EXOG: variants seen among roughly 807,000 people sequenced by gnomAD.
EXOG encodes the protein nuclease EXOG, mitochondrial.
A neutral mutation model predicts 25.8 loss-of-function variants in EXOG; 27 were observed. That is an observed-to-expected ratio of 1.05 (90% CI 0.77 to 1.45). The LOEUF (loss-of-function observed/expected upper bound fraction) is 1.45, where lower values mean the gene tolerates loss of function less well. EXOG is among the 40% of genes most tolerant of loss of function. EXOG has a pLI of 0.00. For synonymous variants in EXOG, 133 were observed against 167.0 expected (o/e 0.80, Z 1.57); for missense variants, 458 against 450.5 (o/e 1.02, Z -0.15).
chr3:38,520,308 A>T (rs528398101), intron 5 of EXOG, among the ~76,000 whole-genome samples: 1 of 152,294 alleles, frequency 6.6e-6, no homozygotes, highest in South Asian at 2.1e-4. Context: ...GTGCCAGCTT[A>T]TGTATTGTAT....
At position 38,525,946 on chromosome 3, in the gene EXOG, AAAAAG is replaced by A. The variant is rs776128041; in HGVS notation, c.*1594_*1598del. 7 of 984,046 alleles carry A rather than the reference AAAAAG, an allele frequency of 7.1e-6. No homozygotes were observed. The highest frequency in any genetic ancestry group is 3.5e-5 in the African/African-American group (2 of 57,182). 61.0% of individuals were successfully genotyped at this position (984,046 alleles called of 1,614,324 possible). On this transcript the variant is annotated 3_prime_UTR_variant, in exon 6 of 6. Transcript: ENST00000287675. ...GCCACAGAGGGAGACCCTGTCTCAA[AAAAAG>A]AAAAGAAAAAAGAAAAAGGTCTGCC...
At chr3:38,522,662 G>A (rs1046047024) in intron 5 of EXOG, among the ~76,000 whole-genome samples, 2 of 151,910 alleles carry the variant, frequency 1.3e-5, no homozygotes, top group Admixed American at 1.3e-4. Context: ...GCGCCACCAC[G>A]CCCAGCTAAT....
chr3:38,501,245 C>T (rs911273556), intron 2 of EXOG, 110 bp from the exon 3 acceptor site: 38 of 819,570 alleles, frequency 4.6e-5, no homozygotes, highest in Admixed American at 1.7e-4. Context: ...ATCCCTAATA[C>T]TAGCTGCTTG....
intron 5 of EXOG, among the ~76,000 whole-genome samples, chr3:38,510,049 G>A (rs1485982779): frequency 6.6e-6 from 1 of 152,146 alleles, no homozygotes; most frequent in African/African-American, 2.4e-5. Flanking sequence ...TAACTTTACA[G>A]TGAAGAAACA....
At chr3:38,499,054 G>C (rs1438361506) in intron 2 of EXOG, 4 of 444,248 alleles carry the variant, frequency 9.0e-6, no homozygotes, top group Non-Finnish European at 1.4e-5. Flanking sequence ...TTATCAATGA[G>C]GGTTAACATG....
At position 38,497,630 on chromosome 3, in the gene EXOG, A is replaced by C; in HGVS notation, c.165A>C (p.Gly55=). The part of the protein sequence containing the change: ...EGALTGKQPD[G]SAEKAVLEQF... The stretch of plus-strand genomic sequence containing the variant: ...TTTTTTTTTTTTTTTCATTTTTAGG[A>C]TCTGCAGAAAAGGCTGTCTTGGAAC... Residue 55 remains glycine (G), a splice_region_variant and synonymous_variant, in exon 2 of 6, where the codon GGA becomes GGC. Coordinates refer to ENST00000287675, the MANE Select transcript of EXOG (RefSeq NM_005107.4). 1 of 1,443,692 alleles carries C rather than the reference A, an allele frequency of 6.9e-7. No individual in the cohort carries two copies. The highest frequency in any genetic ancestry group is 1.3e-5 in the South Asian group (1 of 74,238). 89.4% of individuals were successfully genotyped at this position (1,443,692 alleles called of 1,614,324 possible).
chr3:38,520,204 A>C (rs1260227788), intron 5 of EXOG, among the ~76,000 whole-genome samples: 1 of 152,148 alleles, frequency 6.6e-6, no homozygotes, highest in Non-Finnish European at 1.5e-5. Context: ...TGGGTGGCAC[A>C]GGTGGTGGTG....
intron 5 of EXOG, among the ~76,000 whole-genome samples, chr3:38,511,231 A>T (rs1186386191): frequency 6.6e-6 from 1 of 152,184 alleles, no homozygotes; most frequent in Admixed American, 6.5e-5. Flanking sequence ...TTTTTAAAAT[A>T]ACTTTTACTT....
chr3:38,514,069 G>A (rs2060456134), intron 5 of EXOG, among the ~76,000 whole-genome samples: 1 of 152,238 alleles, frequency 6.6e-6, no homozygotes, highest in Non-Finnish European at 1.5e-5. Flanking sequence ...GCTCTGCTCA[G>A]TGTGACTAGA....
At chr3:38,508,640 A>G (rs145098587) in intron 5 of EXOG, among the ~76,000 whole-genome samples, 94 of 151,848 alleles carry the variant, frequency 6.2e-4, no homozygotes, top group African/African-American at 2.2e-3. Context: ...TATTTAATAA[A>G]TGCTGGTTAG....
intron 5 of EXOG, among the ~76,000 whole-genome samples, chr3:38,520,609 C>T (rs1385339509): frequency 6.6e-6 from 1 of 152,110 alleles, no homozygotes; most frequent in Non-Finnish European, 1.5e-5. Flanking sequence ...GTTTCCCCCG[C>T]CCCCATCCCT....
At chr3:38,519,450 A>G (rs1216315507) in intron 5 of EXOG, 1 of 152,228 alleles carries the variant, frequency 6.6e-6, no homozygotes. Flanking sequence ...TTCTTTTATA[A>G]CAGCACTTTG....
intron 5 of EXOG, among the ~76,000 whole-genome samples, 177 bp from the exon 6 acceptor site, chr3:38,523,724 T>A (rs2060794595): frequency 6.6e-6 from 1 of 152,196 alleles, no homozygotes; most frequent in Admixed American, 6.5e-5. Context: ...ATACTCTTCT[T>A]GTATGTGAAT....
At chr3:38,501,552 G>A (rs1424309662) in intron 3 of EXOG, 58 bp downstream of exon 3, 4 of 1,490,676 alleles carry the variant, frequency 2.7e-6, no homozygotes, top group Non-Finnish European at 3.7e-6. Flanking sequence ...CATACAACAG[G>A]AATTAGAGGT....
At chr3:38,519,198 A>C (rs1278742900) in intron 5 of EXOG, 1 of 152,248 alleles carries the variant, frequency 6.6e-6, no homozygotes, top group Non-Finnish European at 1.5e-5. Flanking sequence ...GATTCGTAGC[A>C]GTGATTTTAT....
intron 5 of EXOG, among the ~76,000 whole-genome samples, chr3:38,509,282 G>A (rs2060297375): frequency 6.6e-6 from 1 of 152,082 alleles, no homozygotes; most frequent in Admixed American, 6.5e-5. Context: ...AGCCTACTGT[G>A]TAGTAGAACA....
At chr3:38,523,364 A>T in intron 5 of EXOG, 1 of 1,204,120 alleles carries the variant, frequency 8.3e-7, no homozygotes, top group Admixed American at 3.5e-5. Context: ...GGTTGGCATT[A>T]TTTTATTTTT....
chr3:38,519,543 G>A (rs779365213), intron 5 of EXOG, among the ~76,000 whole-genome samples: 44 of 152,098 alleles, frequency 2.9e-4, no homozygotes, highest in Admixed American at 9.2e-4. Context: ...AAGTGATATG[G>A]GAGTAATATT....
chr3:38,513,058 C>T (rs1304946456), intron 5 of EXOG, among the ~76,000 whole-genome samples: 1 of 152,152 alleles, frequency 6.6e-6, no homozygotes, highest in African/African-American at 2.4e-5. Flanking sequence ...CACCTCCACC[C>T]CTCAAAGGGC....
Sources: allele counts gnomAD v4.1 joint callset (sites outside exome capture counted in the v4.1 genomes callset), GRCh38; gene constraint gnomAD v4.1.1; transcripts MANE v1.5; gene names NCBI Gene and HGNC (gene_info 2026-07-23, HGNC 2026-07-21).